The following SUSD3 variants were observed in gnomAD, a reference collection of about 807,000 sequenced individuals.
SUSD3 encodes sushi domain containing 3, also known as sushi domain-containing protein 3.
A neutral mutation model predicts 20.6 loss-of-function variants in SUSD3; 18 were observed. The ratio of observed to expected loss-of-function variants is 0.87; its 90% CI spans 0.60 to 1.30. The LOEUF is 1.30. SUSD3 is among the 50% of genes most tolerant of loss of function. The pLI is 0.00. For missense variants in SUSD3, 306 were observed against 346.9 expected, an observed-to-expected ratio of 0.88 and a Z score of 0.94; for synonymous variants, 137 against 141.5, an observed-to-expected ratio of 0.97 and a Z score of 0.23.
intron 1 of SUSD3, among the ~76,000 whole-genome samples, chr9:93,061,426 C>G (rs910430835): frequency 2.0e-5 from 3 of 152,258 alleles, no homozygotes; most frequent in Admixed American, 1.3e-4. Context: ...GGCATAGGTT[C>G]CCGGACCCTC....
At chr9:93,076,138 G>T (rs1383308331) in intron 2 of SUSD3, among the ~76,000 whole-genome samples, 166 bp downstream of exon 2, 2 of 152,186 alleles carry the variant, frequency 1.3e-5, no homozygotes, top group African/African-American at 4.8e-5. Flanking sequence ...CATGTCAGCA[G>T]CCGGCTGTAG....
intron 1 of SUSD3, among the ~76,000 whole-genome samples, chr9:93,066,280 T>G (rs1027643359): frequency 2.6e-5 from 4 of 152,194 alleles, no homozygotes; most frequent in African/African-American, 9.7e-5. Context: ...GTCGCCCATG[T>G]TGGAGTGCAG....
chr9:93,080,555 C>T (rs1258145879), intron 4 of SUSD3, among the ~76,000 whole-genome samples: 1 of 152,182 alleles, frequency 6.6e-6, no homozygotes, highest in African/African-American at 2.4e-5. Flanking sequence ...TGACCAGGCC[C>T]GGCTCTGCAT....
intron 1 of SUSD3, among the ~76,000 whole-genome samples, chr9:93,065,890 GTCC>G: frequency 6.6e-6 from 1 of 152,344 alleles, no homozygotes; most frequent in East Asian, 1.9e-4. Context: ...CAGAATTCAA[GTCC>G]TAGCTGTGCC....
intron 1 of SUSD3, among the ~76,000 whole-genome samples, chr9:93,075,411 C>CTTTTTTTTTTTTTTT (rs58393196): frequency 4.9e-4 from 50 of 101,278 alleles, no homozygotes; most frequent in African/African-American, 9.7e-4. Context: ...CTCTGTCCCT[C>CTTTTTTTTTTTTTTT]TTTTTTTTTT....
At chr9:93,060,138 G>A (rs1825448879) in intron 1 of SUSD3, among the ~76,000 whole-genome samples, 1 of 152,192 alleles carries the variant, frequency 6.6e-6, no homozygotes, top group Non-Finnish European at 1.5e-5. Flanking sequence ...AAGGCTGTTT[G>A]CCTTGGAATT....
In SUSD3 at chr9:93,079,519, G is replaced by A. The variant is rs750223235; in HGVS notation, c.474G>A (p.Val158=). 6.2e-7 allele frequency: 1 copy of A among 1,614,148 alleles called. No homozygotes were observed. The highest frequency in any genetic ancestry group is 2.2e-5 in the East Asian group (1 of 44,888). ...SQLKDEDLET[V]QAAYLGLKHF... Reference sequence around the variant, plus strand: ...TGAAAGATGAGGACTTGGAGACGGTGCAGGCCGCATACCTTGGCCTCAAGC... The same window carrying A: ...TGAAAGATGAGGACTTGGAGACGGTACAGGCCGCATACCTTGGCCTCAAGC... Residue 158 remains valine, a synonymous_variant, in exon 4 of 5, where the codon GTG becomes GTA. Coordinates refer to ENST00000375472, the MANE Select transcript of SUSD3 (RefSeq NM_145006.4).
chr9:93,073,673 C>A (rs758376665), intron 1 of SUSD3, among the ~76,000 whole-genome samples: 4 of 152,132 alleles, frequency 2.6e-5, no homozygotes, highest in Non-Finnish European at 5.9e-5. Flanking sequence ...TTGGGGATGT[C>A]CTTAGCAGTT....
intron 1 of SUSD3, among the ~76,000 whole-genome samples, chr9:93,059,331 G>GTGGC (rs1825415515): frequency 6.6e-6 from 1 of 152,238 alleles, no homozygotes. Flanking sequence ...CGAGAGGGGA[G>GTGGC]TGGCTGTCCG....
chr9:93,066,047 C>T (rs1472146635), intron 1 of SUSD3, among the ~76,000 whole-genome samples: 1 of 152,178 alleles, frequency 6.6e-6, no homozygotes, highest in Non-Finnish European at 1.5e-5. Flanking sequence ...GAGGTTCTGC[C>T]TCCTGCTGAT....
chr9:93,072,848 A>C (rs1442962909), intron 1 of SUSD3, among the ~76,000 whole-genome samples: 6 of 152,192 alleles, frequency 3.9e-5, no homozygotes, highest in Non-Finnish European at 8.8e-5. Context: ...AAGCAACTGA[A>C]GGATGGAGGG....
intron 1 of SUSD3, among the ~76,000 whole-genome samples, chr9:93,061,351 A>AT (rs1321245464): frequency 6.6e-6 from 1 of 152,258 alleles, no homozygotes; most frequent in Non-Finnish European, 1.5e-5. Flanking sequence ...CAAGGCAGAC[A>AT]CACCCTGTGA....
intron 1 of SUSD3, among the ~76,000 whole-genome samples, chr9:93,066,259 A>C (rs1013346747): frequency 9.9e-5 from 15 of 152,166 alleles, no homozygotes; most frequent in African/African-American, 3.6e-4. Context: ...TTGGAGATGG[A>C]GTCTCCCTCT....
At chr9:93,069,052 T>C (rs1039836161) in intron 1 of SUSD3, 20 of 700,344 alleles carry the variant, frequency 2.9e-5, no homozygotes, top group Non-Finnish European at 5.2e-5. Flanking sequence ...TCACCCTTCT[T>C]GCGATGATGT....
rs200492432 is a variant in SUSD3, at chr9:93,084,679, C to T, written c.700C>T (p.Gln234Ter). ...QVMVHMANPR[Q>*]PLPASGLATG... ...GATGGTGCACATGGCAAACCCCAGA[C>T]AGCCCCTGCCTGCCTCTGGGCTGGC... is the stretch of plus-strand genomic sequence containing the variant. Residue 234 changes from glutamine to a stop codon, truncating the protein, a stop_gained, in exon 5 of 5, where the codon CAG (glutamine) becomes TAG (stop). Transcript: ENST00000375472. LOFTEE classifies it low-confidence loss of function (END_TRUNC). 2 of 1,605,206 alleles carry T rather than the reference C, an allele frequency of 1.2e-6. No individual in the cohort carries two copies. Among genetic ancestry groups the T allele is most frequent in the African/African-American group, 2.7e-5 (2 of 74,802 alleles).
chr9:93,061,537 C>G (rs1233832607), intron 1 of SUSD3, among the ~76,000 whole-genome samples: 5 of 152,240 alleles, frequency 3.3e-5, no homozygotes, highest in African/African-American at 7.2e-5. Context: ...GGCCACCCTG[C>G]TGCTCAGCCT....
chr9:93,084,505 CT>C (rs1004492556), intron 4 of SUSD3, 31 bp from the exon 5 acceptor site: 1 of 1,544,842 alleles, frequency 6.5e-7, no homozygotes, highest in Non-Finnish European at 8.8e-7. Flanking sequence ...TATCCACACT[CT>C]TTTGCCAACT....
intron 2 of SUSD3, among the ~76,000 whole-genome samples, chr9:93,076,240 C>T (rs1473386265): frequency 6.6e-6 from 1 of 152,236 alleles, no homozygotes; most frequent in Admixed American, 6.5e-5. Flanking sequence ...CTCAGCCCCT[C>T]ACCGCCAAGA....
intron 4 of SUSD3, among the ~76,000 whole-genome samples, chr9:93,081,452 C>A (rs1826410904): frequency 6.6e-6 from 1 of 152,144 alleles, no homozygotes; most frequent in Non-Finnish European, 1.5e-5. Flanking sequence ...GTGAGGATTG[C>A]AGTAGCGCTC....
Sources: gnomAD v4.1 joint callset for allele counts (sites outside exome capture counted in the v4.1 genomes callset) on GRCh38, gnomAD v4.1.1 for gene constraint, MANE v1.5 for transcripts, NCBI Gene and HGNC (gene_info 2026-07-23, HGNC 2026-07-21) for gene names.